Variants in CFAP97D2 observed in about 807,000 individuals in gnomAD.
CFAP97D2 encodes uncharacterized protein CFAP97D2.
chr13:114,219,001 G>A (rs2138791035), intron 4 of CFAP97D2, among the ~76,000 whole-genome samples: 1 of 152,210 alleles, frequency 6.6e-6, no homozygotes, highest in South Asian at 2.1e-4. Context: ...CAAAAGCAAT[G>A]GCAACAAAAG....
At position 114,211,631 on chromosome 13, in the gene CFAP97D2, G is replaced by A. The variant is rs1335101691; in HGVS notation, c.291-281G>A. The stretch of plus-strand genomic sequence containing the variant: ...TGCTGACCACGCTCAGGAAGCACCG[G>A]GAGACTTCCCCGCTGTGCCCCATTG... On this transcript the variant is annotated intron_variant, in intron 3 of 4. Coordinates refer to ENST00000646158, the Ensembl canonical transcript of CFAP97D2. The surrounding 1 kb of genome is among the most constrained non-coding windows in gnomAD (Gnocchi z 4.2). 1.3e-5 allele frequency among the ~76,000 whole-genome samples: 2 copies of A among 152,260 alleles called. No individual in the cohort carries two copies. Among genetic ancestry groups the A allele is most frequent in the African/African-American group, 4.8e-5 (2 of 41,562 alleles).
At chr13:114,201,907 AAC>A (rs2080919481) in intron 3 of CFAP97D2, among the ~76,000 whole-genome samples, 1 of 152,192 alleles carries the variant, frequency 6.6e-6, no homozygotes, top group Non-Finnish European at 1.5e-5. Flanking sequence ...GCATACAGTA[AAC>A]ACATATTCAA....
chr13:114,222,816 C>T (rs2081027060), downstream of CFAP97D2: 1 of 342,434 alleles, frequency 2.9e-6, no homozygotes, highest in African/African-American at 2.1e-5. The surrounding 1 kb of genome is among the most constrained non-coding windows in gnomAD (Gnocchi z 4.4). Flanking sequence ...AACAATGTGC[C>T]CGAGCAGATG....
chr13:114,194,911 G>A (rs2080880533), intron 1 of CFAP97D2, among the ~76,000 whole-genome samples: 1 of 152,104 alleles, frequency 6.6e-6, no homozygotes, highest in African/African-American at 2.4e-5. Flanking sequence ...CTCTGTGTAG[G>A]CATCTCAGAT....
chr13:114,210,885 C>CACAT (rs1555350519), intron 3 of CFAP97D2, among the ~76,000 whole-genome samples: 1 of 151,926 alleles, frequency 6.6e-6, no homozygotes. Flanking sequence ...CACACACACA[C>CACAT]ACACACTTTA....
intron 1 of CFAP97D2, among the ~76,000 whole-genome samples, chr13:114,181,075 C>T (rs1158436526): frequency 3.9e-5 from 6 of 152,290 alleles, no homozygotes; most frequent in East Asian, 3.9e-4. Context: ...GTGTGGCCCC[C>T]GAGTAGCAGC....
In CFAP97D2 at chr13:114,207,935, A is replaced by C. The variant is rs537142303; in HGVS notation, c.291-3977A>C. 3.3e-5 allele frequency among the ~76,000 whole-genome samples: 5 copies of C among 152,270 alleles called. No individual in the cohort carries two copies. The highest frequency in any genetic ancestry group is 5.9e-5 in the Non-Finnish European group (4 of 68,018). On this transcript the variant is annotated intron_variant, in intron 3 of 4. Transcript: ENST00000646158. This position sits in a 1 kb window ranked among gnomAD's most constrained non-coding sequence, Gnocchi z 4.9. ...AAGACATTGGCCAGAAAGCAAGGAG[A>C]AGCTGTATCCAGAAAGTAAAGAATC...
intron 1 of CFAP97D2, among the ~76,000 whole-genome samples, chr13:114,190,455 A>C (rs117893973): frequency 0.012 from 1,765 of 152,330 alleles, 97 homozygotes; most frequent in Admixed American, 0.081. Flanking sequence ...AGCAAGGATG[A>C]AGGATATAAG....
chr13:114,194,458 G>A (rs1445911156), intron 1 of CFAP97D2, among the ~76,000 whole-genome samples: 4 of 152,178 alleles, frequency 2.6e-5, no homozygotes, highest in Non-Finnish European at 4.4e-5. Flanking sequence ...TACATTAGAC[G>A]TAAAAGATGT....
chr13:114,202,867 G>A (rs756980570), intron 3 of CFAP97D2, among the ~76,000 whole-genome samples: 10 of 152,112 alleles, frequency 6.6e-5, no homozygotes, highest in African/African-American at 1.2e-4. Flanking sequence ...GGAGAGTCAC[G>A]CCGAGAAGAC....
chr13:114,193,049 T>A (rs1049510499), intron 1 of CFAP97D2, among the ~76,000 whole-genome samples: 1 of 152,222 alleles, frequency 6.6e-6, no homozygotes, highest in African/African-American at 2.4e-5. Context: ...TCTATGGTAA[T>A]AGATAAAACA....
chr13:114,197,914 A>C (rs994593569), intron 2 of CFAP97D2, among the ~76,000 whole-genome samples: 2 of 151,086 alleles, frequency 1.3e-5, no homozygotes, highest in African/African-American at 4.9e-5. Context: ...CAAACTCCTG[A>C]CTTCAGGTGA....
At chr13:114,182,436 T>TAG (rs2080838308) in intron 1 of CFAP97D2, among the ~76,000 whole-genome samples, 1 of 151,864 alleles carries the variant, frequency 6.6e-6, no homozygotes, top group Non-Finnish European at 1.5e-5. Context: ...TTCCTCTATC[T>TAG]CAACTGCAAG....
At chr13:114,201,358 T>C (rs2080917270) in intron 3 of CFAP97D2, among the ~76,000 whole-genome samples, 1 of 152,188 alleles carries the variant, frequency 6.6e-6, no homozygotes, top group Non-Finnish European at 1.5e-5. Context: ...CTTATAGTAG[T>C]TTCAGATTTC....
intron 1 of CFAP97D2, among the ~76,000 whole-genome samples, chr13:114,191,182 T>G (rs2080868051): frequency 6.6e-6 from 1 of 152,228 alleles, no homozygotes. Flanking sequence ...AATGACTTTT[T>G]TTTTTAAATC....
intron 4 of CFAP97D2, among the ~76,000 whole-genome samples, chr13:114,216,759 A>G (rs1476926178): frequency 6.6e-6 from 1 of 152,222 alleles, no homozygotes; most frequent in African/African-American, 2.4e-5. Context: ...ATACGTGTGC[A>G]TGTGTCTTTA....
rs532688613 is a variant in CFAP97D2, at chr13:114,179,549, C to G, written c.90+129C>G. ...TTTGGAGACAGCATGGTTGAAATGA[C>G]ATTTCCTAACAAGATTCATCATCTA... On this transcript the variant is annotated intron_variant, in intron 1 of 4. Coordinates refer to ENST00000646158, the Ensembl canonical transcript of CFAP97D2. This position sits in a 1 kb window ranked among gnomAD's most constrained non-coding sequence, Gnocchi z 4.8. 1 of 392,608 alleles carries G rather than the reference C, an allele frequency of 2.5e-6. No individual in the cohort carries two copies. The highest frequency in any genetic ancestry group is 4.5e-6 in the Non-Finnish European group (1 of 222,996). The allele number at this position is 392,608 out of a possible 1,614,324, so 24.3% of individuals were successfully genotyped here.
chr13:114,221,152 C>T (rs541737172), intron 4 of CFAP97D2, among the ~76,000 whole-genome samples: 1 of 152,328 alleles, frequency 6.6e-6, no homozygotes, highest in South Asian at 2.1e-4. Context: ...GAGGCTGAGG[C>T]AGGAGGATCG....
rs1342264423 is a variant in CFAP97D2, at chr13:114,222,274, G to T, written c.481-224G>T. On this transcript the variant is annotated intron_variant, in intron 4 of 4. Transcript: ENST00000646158. This position sits in a 1 kb window ranked among gnomAD's most constrained non-coding sequence, Gnocchi z 4.4. Reference sequence around the variant, plus strand: ...GATGAAGATGTTCTGAAATTATATTGTGACAATAGTTGCACAACTCTGAAT... The same window carrying T: ...GATGAAGATGTTCTGAAATTATATTTTGACAATAGTTGCACAACTCTGAAT... Among the ~76,000 whole-genome samples the T allele has an allele frequency of 6.6e-6, 1 of 152,102 alleles. No homozygotes were observed. The highest frequency in any genetic ancestry group is 1.9e-4 in the East Asian group (1 of 5,186).
Sources: allele counts gnomAD v4.1 joint callset (sites outside exome capture counted in the v4.1 genomes callset), GRCh38; gene constraint gnomAD v4.1.1; non-coding constraint Gnocchi (gnomAD v3.1); transcripts MANE v1.5; gene names NCBI Gene and HGNC (gene_info 2026-07-23, HGNC 2026-07-21).